The following MARCHF8 variants were observed in gnomAD, a reference collection of about 807,000 sequenced individuals.
MARCHF8 encodes E3 ubiquitin-protein ligase MARCHF8.
Under a neutral mutation model 51.6 loss-of-function variants are expected in MARCHF8, and 40 were observed. The ratio of observed to expected loss-of-function variants is 0.77; its 90% CI spans 0.60 to 1.01. The LOEUF is 1.01. Ranked by LOEUF, MARCHF8 falls within the 50% of genes least tolerant of loss-of-function variation. MARCHF8 has a pLI of 0.00. For synonymous variants in MARCHF8, 263 were observed against 280.3 expected (o/e 0.94, Z 0.62); for missense variants, 685 against 708.6 (o/e 0.97, Z 0.38).
intron 3 of MARCHF8, among the ~76,000 whole-genome samples, chr10:45,466,509 CTG>C (rs1842973559): frequency 6.6e-6 from 1 of 152,158 alleles, no homozygotes; most frequent in African/African-American, 2.4e-5. Flanking sequence ...ACTTCTTCCT[CTG>C]TGTTGCTGGG....
chr10:45,542,413 A>G (rs36054203), intron 1 of MARCHF8, among the ~76,000 whole-genome samples: 9,166 of 151,470 alleles, frequency 0.061, 318 homozygotes, highest in Non-Finnish European at 0.066. Flanking sequence ...GACCTGAACT[A>G]ACAGGAAGCT....
chr10:45,575,565 G>A (rs1228186202), intron 1 of MARCHF8, among the ~76,000 whole-genome samples: 1 of 152,000 alleles, frequency 6.6e-6, no homozygotes, highest in Admixed American at 6.6e-5. Flanking sequence ...TCCCACTCTA[G>A]GTTCCCATGC....
intron 1 of MARCHF8, among the ~76,000 whole-genome samples, chr10:45,594,069 G>A (rs907623196): frequency 6.6e-6 from 1 of 152,082 alleles, no homozygotes. Context: ...AAAAGGTTTT[G>A]TTGCATTAAA....
chr10:45,561,231 T>C (rs1358333665), intron 1 of MARCHF8, among the ~76,000 whole-genome samples: 3 of 151,794 alleles, frequency 2.0e-5, no homozygotes, highest in East Asian at 3.9e-4. Context: ...AAACATCAGA[T>C]ACTGCCTTCA....
chr10:45,478,739 G>A (rs770522836), intron 3 of MARCHF8, among the ~76,000 whole-genome samples: 6 of 152,024 alleles, frequency 3.9e-5, no homozygotes, highest in Non-Finnish European at 7.4e-5. Context: ...AGACTATTAC[G>A]AACTACATGC....
At chr10:45,561,057 T>G (rs1490284437) in intron 1 of MARCHF8, among the ~76,000 whole-genome samples, 3 of 152,138 alleles carry the variant, frequency 2.0e-5, no homozygotes, top group African/African-American at 7.2e-5. Context: ...GAAAAGAATT[T>G]CAGTTCTCTA....
At chr10:45,481,432 C>T (rs1256253399) in intron 3 of MARCHF8, among the ~76,000 whole-genome samples, 2 of 152,124 alleles carry the variant, frequency 1.3e-5, no homozygotes, top group Non-Finnish European at 2.9e-5. Context: ...TTGGCTGTGT[C>T]CCCACCAAAT....
At chr10:45,526,898 T>C (rs1345775697) in intron 2 of MARCHF8, among the ~76,000 whole-genome samples, 1 of 152,182 alleles carries the variant, frequency 6.6e-6, no homozygotes. Flanking sequence ...AATAAATTTT[T>C]AAAAAACTGA....
intron 1 of MARCHF8, among the ~76,000 whole-genome samples, chr10:45,548,518 G>C (rs1291410056): frequency 6.6e-6 from 1 of 152,140 alleles, no homozygotes. Flanking sequence ...GAAAGATTTT[G>C]CATCTCAGGG....
upstream of MARCHF8, among the ~76,000 whole-genome samples, chr10:45,537,763 A>G (rs773362108): frequency 1.3e-5 from 2 of 152,156 alleles, no homozygotes; most frequent in Admixed American, 6.5e-5. Context: ...AAATCTATAG[A>G]GACAGAAAGT....
chr10:45,583,400 GATATAT>G (rs907186728), intron 1 of MARCHF8, among the ~76,000 whole-genome samples: 4 of 152,130 alleles, frequency 2.6e-5, no homozygotes, highest in Admixed American at 2.6e-4. Flanking sequence ...AATGTTCAAA[GATATAT>G]ATATGAGAAT....
At chr10:45,503,629 TTTCA>T (rs1370090928) in intron 2 of MARCHF8, among the ~76,000 whole-genome samples, 2 of 151,790 alleles carry the variant, frequency 1.3e-5, no homozygotes, top group African/African-American at 4.8e-5. Flanking sequence ...AGGAAACTCG[TTTCA>T]TTGATACAGG....
chr10:45,458,829 C>G (rs1792290111), intron 7 of MARCHF8, among the ~76,000 whole-genome samples: 1 of 152,132 alleles, frequency 6.6e-6, no homozygotes, highest in African/African-American at 2.4e-5. Flanking sequence ...CACAACTCAT[C>G]CAATGTTGCT....
chr10:45,486,223 T>C (rs991520204), intron 3 of MARCHF8, among the ~76,000 whole-genome samples: 9 of 152,218 alleles, frequency 5.9e-5, no homozygotes, highest in African/African-American at 2.2e-4. Flanking sequence ...ATCCCGGAAC[T>C]CACTGGACAC....
At chr10:45,564,463 T>C (rs1292369702) in intron 1 of MARCHF8, among the ~76,000 whole-genome samples, 1 of 150,996 alleles carries the variant, frequency 6.6e-6, no homozygotes, top group East Asian at 1.9e-4. Context: ...TGGAGAAAAA[T>C]GAACAAACTC....
chr10:45,486,453 A>G (rs914815310), intron 3 of MARCHF8, among the ~76,000 whole-genome samples: 1 of 152,106 alleles, frequency 6.6e-6, no homozygotes, highest in African/African-American at 2.4e-5. Context: ...AATCCCAGCT[A>G]CTCAGGAGGC....
intron 2 of MARCHF8, among the ~76,000 whole-genome samples, chr10:45,529,641 G>A (rs904863397): frequency 2.6e-5 from 4 of 152,100 alleles, no homozygotes; most frequent in Non-Finnish European, 5.9e-5. Flanking sequence ...TTTAAAAAAT[G>A]GGCAAAGGGC....
chr10:45,489,506 A>T, intron 2 of MARCHF8, 89 bp from the exon 3 acceptor site: 1 of 1,181,700 alleles, frequency 8.5e-7, no homozygotes, highest in Admixed American at 1.9e-5. Flanking sequence ...CCTACTGACA[A>T]ATCATTCCCT....
At chr10:45,487,645 A>G (rs989746183) in intron 3 of MARCHF8, among the ~76,000 whole-genome samples, 11 of 152,354 alleles carry the variant, frequency 7.2e-5, no homozygotes, top group Admixed American at 5.9e-4. Context: ...ATGGGAAAAA[A>G]TATTTTGTGA....
Sources: gnomAD v4.1 joint callset for allele counts (sites outside exome capture counted in the v4.1 genomes callset) on GRCh38, gnomAD v4.1.1 for gene constraint, MANE v1.5 for transcripts, NCBI Gene and HGNC (gene_info 2026-07-23, HGNC 2026-07-21) for gene names.